Variants in TNFAIP3 observed in about 807,000 individuals in gnomAD.
TNFAIP3 encodes TNF alpha induced protein 3.
Under a neutral mutation model 72.4 loss-of-function variants are expected in TNFAIP3, and 9 were observed. The observed-to-expected ratio is 0.12, with a 90% CI of 0.07 to 0.22. The LOEUF (loss-of-function observed/expected upper bound fraction) is 0.22. Among genes scored for constraint, TNFAIP3 ranks in the 10% least tolerant of loss-of-function variants. The probability of loss-of-function intolerance (pLI) is 1.00; values close to 1 mark genes in which losing one functional copy is unlikely to be tolerated. For missense variants in TNFAIP3, 833 were observed against 1,018.7 expected (o/e 0.82, Z 2.48); for synonymous variants, 339 against 372.6 (o/e 0.91, Z 1.04).
chr6:137,868,687 G>A (rs1398071182), intron 1 of TNFAIP3, among the ~76,000 whole-genome samples: 1 of 119,700 alleles, frequency 8.4e-6, no homozygotes, highest in African/African-American at 3.1e-5. Flanking sequence ...AAGACAGTGA[G>A]GTAACAAATG....
In TNFAIP3 at chr6:137,881,249, A is replaced by T. The variant is rs1350079064; in HGVS notation, c.2303A>T (p.Asp768Val). Reference sequence around the variant, plus strand: ...CAGCGTTGCCGGGCCCCCGCCTGTGATCATTTTGGCAATGCCAAGTGCAAC... The same window carrying T: ...CAGCGTTGCCGGGCCCCCGCCTGTGTTCATTTTGGCAATGCCAAGTGCAAC... ...PKQRCRAPAC[D>V]HFGNAKCNGY... is the part of the protein sequence containing the mutation. The change falls in exon 9 of 9, where the codon GAT becomes GTT. Residue 768 changes from aspartate (D) to valine (V), a missense_variant. Transcript: ENST00000612899. This position sits in a 1 kb window ranked among gnomAD's most constrained non-coding sequence, Gnocchi z 5.0. 6.3e-7 allele frequency: 1 copy of T among 1,598,866 alleles called. No homozygotes were observed. Among genetic ancestry groups the T allele is most frequent in the Non-Finnish European group, 8.5e-7 (1 of 1,172,814 alleles).
In TNFAIP3 at chr6:137,867,929, C is replaced by G. The variant is rs924697885; in HGVS notation, c.-16+387C>G. On this transcript the variant is annotated intron_variant, in intron 1 of 8. Transcript: ENST00000612899. This position sits in a 1 kb window ranked among gnomAD's most constrained non-coding sequence, Gnocchi z 6.0. ...CATGGCCACGTAGACCTTGCAGAAG[C>G]GCTGCGGCTTTTTCCCAAATTGTGC... 1.3e-5 allele frequency: 2 copies of G among 152,436 alleles called. No homozygotes were observed. The highest frequency in any genetic ancestry group is 4.8e-5 in the African/African-American group (2 of 41,446). The allele number at this position is 152,436 out of a possible 1,614,324, so 9.4% of individuals were successfully genotyped here. A position where few individuals can be genotyped will look rare whatever the true frequency, so the allele number is the denominator to read the frequency against.
intron 1 of TNFAIP3, among the ~76,000 whole-genome samples, chr6:137,869,091 T>G (rs1420675252): frequency 1.3e-5 from 2 of 152,198 alleles, no homozygotes; most frequent in East Asian, 3.8e-4. Context: ...AGGTTTGGTG[T>G]TGTGGGATTG....
At chr6:137,875,175 A>G in intron 3 of TNFAIP3, 140 bp downstream of exon 3, 1 of 972,954 alleles carries the variant, frequency 1.0e-6, no homozygotes, top group Non-Finnish European at 1.5e-6. Flanking sequence ...TCAATGGAAA[A>G]CACCAGAAAC....
intron 6 of TNFAIP3, among the ~76,000 whole-genome samples, chr6:137,878,035 A>G (rs1258119430): frequency 6.6e-6 from 1 of 152,246 alleles, no homozygotes; most frequent in Non-Finnish European, 1.5e-5. Context: ...TGTACTATAA[A>G]GTAGACTAGT....
chr6:137,881,702 G>T lies in TNFAIP3; in HGVS notation c.*383G>T, dbSNP rs559927744. On this transcript the variant is annotated 3_prime_UTR_variant, in exon 9 of 9. Coordinates refer to ENST00000612899, the MANE Select transcript of TNFAIP3 (RefSeq NM_001270508.2). This position sits in a 1 kb window ranked among gnomAD's most constrained non-coding sequence, Gnocchi z 5.0. ...GCTGAGAAAGGGAAAAGACACACAA[G>T]TCGCGTGGGTTGGAGAAGCCAGAGC... is the stretch of plus-strand genomic sequence containing the variant. 2 of 251,090 alleles carry T rather than the reference G, an allele frequency of 8.0e-6. No homozygotes were observed. Among genetic ancestry groups the T allele is most frequent in the African/African-American group, 4.3e-5 (2 of 46,032 alleles). 15.6% of individuals were successfully genotyped at this position (251,090 alleles called of 1,614,324 possible). A position where few individuals can be genotyped will look rare whatever the true frequency, so the allele number is the denominator to read the frequency against.
In TNFAIP3 at chr6:137,882,508, T is replaced by G; in HGVS notation, c.*1189T>G. The stretch of plus-strand genomic sequence containing the variant: ...AGGAAAGAAGGAATTGCATCCAAGG[T>G]ATACATACATATTCATCGATGTTTC... On this transcript the variant is annotated 3_prime_UTR_variant, in exon 9 of 9. Transcript: ENST00000612899. 4.3e-6 allele frequency: 1 copy of G among 232,418 alleles called. No individual in the cohort carries two copies. Among genetic ancestry groups the G allele is most frequent in the Non-Finnish European group, 8.5e-6 (1 of 117,430 alleles). 14.4% of individuals were successfully genotyped at this position (232,418 alleles called of 1,614,324 possible). A position where few individuals can be genotyped will look rare whatever the true frequency, so the allele number is the denominator to read the frequency against.
chr6:137,880,680 C>T (rs1776420505), intron 8 of TNFAIP3, among the ~76,000 whole-genome samples: 1 of 152,112 alleles, frequency 6.6e-6, no homozygotes, highest in African/African-American at 2.4e-5. Flanking sequence ...TCAGAAAAGC[C>T]AGCTTTGACA....
At position 137,876,204 on chromosome 6, in the gene TNFAIP3, A is replaced by G. The variant is rs5029964; in HGVS notation, c.805+38A>G. ...CATTAATTCACATCTATAACTAGACACTGAAACATCAGGGTTTTCCTTTTT... is the reference window on the plus strand; with the variant it reads ...CATTAATTCACATCTATAACTAGACGCTGAAACATCAGGGTTTTCCTTTTT... On this transcript the variant is annotated intron_variant, in intron 5 of 8. Coordinates refer to ENST00000612899, the MANE Select transcript of TNFAIP3 (RefSeq NM_001270508.2). 1,883 of 1,542,300 alleles carry G rather than the reference A, an allele frequency of 1.2e-3. 5 individuals are homozygous for G. The highest frequency in any genetic ancestry group is 1.9e-3 in the Admixed American group (99 of 53,232).
chr6:137,877,062 A>AT lies in TNFAIP3; in HGVS notation c.806-7dup, dbSNP rs2114489531. On this transcript the variant is annotated splice_polypyrimidine_tract_variant and intron_variant, in intron 5 of 8. Coordinates refer to ENST00000612899, the MANE Select transcript of TNFAIP3 (RefSeq NM_001270508.2). The stretch of plus-strand genomic sequence containing the variant: ...TAGAATACTGTTTTACTTATGTATT[A>AT]TTTTTTTCCTTAGAAATCCGAGCTG... The AT allele has an allele frequency of 6.4e-6, 10 of 1,573,352 alleles. No homozygotes were observed. In the East Asian group the frequency reaches 1.8e-4, roughly 28 times the overall value.
Position 137,881,407 on chromosome 6 carries a change from A to G in TNFAIP3, c.*88A>G. 1.6e-6 allele frequency: 2 copies of G among 1,218,352 alleles called. No homozygotes were observed. The highest frequency in any genetic ancestry group is 4.8e-5 in the East Asian group (2 of 41,492). The allele number at this position is 1,218,352 out of a possible 1,614,324, so 75.5% of individuals were successfully genotyped here. A position where few individuals can be genotyped will look rare whatever the true frequency, so the allele number is the denominator to read the frequency against. ...CTATCCTCTGAACCCCTCAGCTGCC[A>G]CTGCAACAGTGGGCTTAAGGGTGTC... On this transcript the variant is annotated 3_prime_UTR_variant, in exon 9 of 9. Coordinates refer to ENST00000612899, the MANE Select transcript of TNFAIP3 (RefSeq NM_001270508.2). The surrounding 1 kb of genome is among the most constrained non-coding windows in gnomAD (Gnocchi z 5.0).
intron 1 of TNFAIP3, among the ~76,000 whole-genome samples, chr6:137,870,105 A>T (rs758912157): frequency 3.3e-5 from 5 of 152,048 alleles, no homozygotes; most frequent in Non-Finnish European, 7.4e-5. Flanking sequence ...CTAGATTTTC[A>T]TTCCTTCTAC....
chr6:137,873,271 G>T (rs1415806817), intron 2 of TNFAIP3, among the ~76,000 whole-genome samples: 1 of 152,120 alleles, frequency 6.6e-6, no homozygotes, highest in Non-Finnish European at 1.5e-5. Context: ...GTTCTTCAAA[G>T]GCAATATCTG....
At position 137,879,241 on chromosome 6, in the gene TNFAIP3, G is replaced by C; in HGVS notation, c.1796G>C (p.Gly599Ala). ...GCLSQAARTP[G>A]DRTGTSKCRK... ...CTGTCTCAAGCTGCACGGACTCCTGGGGACAGGACGGGGACGAGCAAGTGC... is the reference window on the plus strand; with the variant it reads ...CTGTCTCAAGCTGCACGGACTCCTGCGGACAGGACGGGGACGAGCAAGTGC... Residue 599 changes from glycine to alanine, a missense_variant, in exon 7 of 9, where the codon GGG (glycine) becomes GCG (alanine). Coordinates refer to ENST00000612899, the MANE Select transcript of TNFAIP3 (RefSeq NM_001270508.2). 6.2e-7 allele frequency: 1 copy of C among 1,614,180 alleles called. No individual in the cohort carries two copies. The highest frequency in any genetic ancestry group is 8.5e-7 in the Non-Finnish European group (1 of 1,180,022).
chr6:137,881,038 T>G lies in TNFAIP3; in HGVS notation c.2092T>G (p.Ser698Ala). 1 of 1,589,852 alleles carries G rather than the reference T, an allele frequency of 6.3e-7. No homozygotes were observed. Among genetic ancestry groups the G allele is most frequent in the East Asian group, 2.3e-5 (1 of 44,404 alleles). The change falls in exon 9 of 9, where the codon TCG (serine) becomes GCG (alanine). Residue 698 changes from serine (S) to alanine (A), a missense_variant. Physicochemically the swap from Ser to Ala is moderately conservative, Grantham distance 99. Coordinates refer to ENST00000612899, the MANE Select transcript of TNFAIP3 (RefSeq NM_001270508.2). The surrounding 1 kb of genome is among the most constrained non-coding windows in gnomAD (Gnocchi z 5.0). ...EAKRTEEQLRSSQRRDVPRTT... is the reference protein window; with the variant it reads ...EAKRTEEQLRASQRRDVPRTT... ...TCTGCCTGTTCTTTCCACTCAGAGA[T>G]CGAGCCAGCGCAGAGATGTGCCTCG...
Position 137,875,757 on chromosome 6 carries a change from C to A in TNFAIP3, c.556C>A (p.Leu186Ile), listed in dbSNP as rs2114482750. The A allele has an allele frequency of 6.2e-7, 1 of 1,614,104 alleles. No individual in the cohort carries two copies. Among genetic ancestry groups the A allele is most frequent in the Non-Finnish European group, 8.5e-7 (1 of 1,180,012 alleles). ...STDTPMARSGLQYNSLEEIHI... is the reference protein window; with the variant it reads ...STDTPMARSGIQYNSLEEIHI... The stretch of plus-strand genomic sequence containing the variant: ...AGACACACCCATGGCCCGAAGTGGA[C>A]TTCAGTACAACTCACTGGAAGAAAT... Residue 186 changes from leucine (L) to isoleucine (I), a missense_variant, in exon 4 of 9, where the codon CTT becomes ATT. Physicochemically the swap from Leu to Ile is conservative, Grantham distance 5 (BLOSUM62 2). Transcript: ENST00000612899.
At chr6:137,874,433 A>G (rs1030486055) in intron 2 of TNFAIP3, among the ~76,000 whole-genome samples, 9 of 152,236 alleles carry the variant, frequency 5.9e-5, no homozygotes, top group African/African-American at 2.2e-4. Flanking sequence ...ACTAGAGAGC[A>G]GCAATGCCAG....
upstream of TNFAIP3, chr6:137,866,816 T>G (rs1775848871): frequency 6.6e-6 from 1 of 152,354 alleles, no homozygotes; most frequent in East Asian, 1.9e-4. Flanking sequence ...AGGGTGGTTT[T>G]TAGGGTTTTC....
At position 137,871,177 on chromosome 6, in the gene TNFAIP3, A is replaced by G. The variant is rs2114456195; in HGVS notation, c.-15-36A>G. The stretch of plus-strand genomic sequence containing the variant: ...AGAGGAGTCGTATTAAAGTCAGGCT[A>G]ATAGAATGGCTTTTTTTTTTTCCTT... On this transcript the variant is annotated intron_variant, in intron 1 of 8. Coordinates refer to ENST00000612899, the MANE Select transcript of TNFAIP3 (RefSeq NM_001270508.2). This position sits in a 1 kb window ranked among gnomAD's most constrained non-coding sequence, Gnocchi z 4.2. 1.3e-6 allele frequency: 2 copies of G among 1,550,456 alleles called. No homozygotes were observed. Among genetic ancestry groups the G allele is most frequent in the Non-Finnish European group, 1.7e-6 (2 of 1,152,166 alleles).
Sources: gnomAD v4.1 joint callset for allele counts (sites outside exome capture counted in the v4.1 genomes callset) on GRCh38, gnomAD v4.1.1 for gene constraint, Gnocchi (gnomAD v3.1) non-coding constraint, MANE v1.5 for transcripts, NCBI Gene and HGNC (gene_info 2026-07-23, HGNC 2026-07-21) for gene names.